Variants in CNTN5 observed in about 807,000 individuals in gnomAD.
CNTN5 encodes contactin-5.
Under a neutral mutation model 129.1 loss-of-function variants are expected in CNTN5, and 77 were observed. That is an observed-to-expected ratio of 0.60 (90% confidence interval 0.50 to 0.72). CNTN5 has a LOEUF of 0.72. Among genes scored for constraint, CNTN5 ranks in the 30% least tolerant of loss-of-function variants. The pLI is 0.00. For synonymous variants in CNTN5, 509 were observed against 465.6 expected (o/e 1.09, Z -1.20); for missense variants, 1,478 against 1,328.8 (o/e 1.11, Z -1.75).
At chr11:99,286,040 GA>G (rs1555101324) in intron 1 of CNTN5, among the ~76,000 whole-genome samples, 2,489 of 92,976 alleles carry the variant, frequency 0.027, 20 homozygotes, top group African/African-American at 0.042. Flanking sequence ...TCCATCTGGA[GA>G]AAAAAAAAAA....
chr11:100,354,155 T>C (rs1319794491), intron 24 of CNTN5, among the ~76,000 whole-genome samples: 6 of 151,602 alleles, frequency 4.0e-5, no homozygotes, highest in Admixed American at 1.3e-4. Context: ...ATTTACCATA[T>C]AGGAATGTTA....
chr11:100,197,472 G>A (rs951878885), intron 15 of CNTN5, among the ~76,000 whole-genome samples: 6 of 151,930 alleles, frequency 3.9e-5, no homozygotes, highest in African/African-American at 1.4e-4. Context: ...TGTAAGTGTT[G>A]ACCTTAAATA....
chr11:99,073,643 C>T (rs151263830), intron 1 of CNTN5, among the ~76,000 whole-genome samples: 1,629 of 151,788 alleles, frequency 0.011, 26 homozygotes, highest in South Asian at 0.072. Context: ...AGTGAAAACA[C>T]GCGGTGTTTG....
intron 2 of CNTN5, among the ~76,000 whole-genome samples, chr11:99,494,362 C>A (rs1022619329): frequency 3.3e-5 from 5 of 152,128 alleles, no homozygotes; most frequent in African/African-American, 1.2e-4. Context: ...CAGATTTAAT[C>A]CTAAAATATA....
At chr11:100,124,940 T>A (rs1051695705) in intron 13 of CNTN5, among the ~76,000 whole-genome samples, 43 of 152,218 alleles carry the variant, frequency 2.8e-4, no homozygotes, top group African/African-American at 9.9e-4. Flanking sequence ...TTAATCTGGA[T>A]GGCTTGTTGA....
At chr11:99,846,377 A>AAG (rs1273555269) in intron 6 of CNTN5, among the ~76,000 whole-genome samples, 2 of 151,120 alleles carry the variant, frequency 1.3e-5, no homozygotes, top group Non-Finnish European at 3.0e-5. Flanking sequence ...AAAAAAAAAA[A>AAG]AAAGAAGTGT....
intron 3 of CNTN5, among the ~76,000 whole-genome samples, chr11:99,709,751 G>A (rs980455797): frequency 6.6e-6 from 1 of 151,754 alleles, no homozygotes; most frequent in Non-Finnish European, 1.5e-5. Context: ...TATATAATAA[G>A]TTATTTGAGT....
intron 1 of CNTN5, among the ~76,000 whole-genome samples, chr11:99,253,225 G>A (rs1441963089): frequency 1.3e-5 from 2 of 152,008 alleles, no homozygotes; most frequent in Non-Finnish European, 2.9e-5. Context: ...CCCTGCACCA[G>A]CTCTTTGCCT....
chr11:100,270,515 T>G (rs1565386934), intron 17 of CNTN5, among the ~76,000 whole-genome samples: 2 of 152,170 alleles, frequency 1.3e-5, no homozygotes, highest in African/African-American at 4.8e-5. Context: ...TAAAAATACT[T>G]CACTAATGGT....
intron 2 of CNTN5, among the ~76,000 whole-genome samples, chr11:99,337,282 T>G (rs557020366): frequency 1.3e-5 from 2 of 152,142 alleles, no homozygotes; most frequent in Non-Finnish European, 2.9e-5. Flanking sequence ...CCAGCAGCGC[T>G]AGAGGAATTA....
intron 18 of CNTN5, among the ~76,000 whole-genome samples, chr11:100,289,988 AG>A (rs1232581282): frequency 6.6e-6 from 1 of 151,196 alleles, no homozygotes; most frequent in Non-Finnish European, 1.5e-5. Flanking sequence ...CCAAATCATG[AG>A]TGAACTCCCA....
intron 3 of CNTN5, among the ~76,000 whole-genome samples, chr11:99,684,822 A>T (rs1264430898): frequency 6.6e-6 from 1 of 151,630 alleles, no homozygotes; most frequent in African/African-American, 2.4e-5. Context: ...GGTTCTTGAT[A>T]TGAATTTATA....
At chr11:99,772,836 C>T (rs1324202871) in intron 3 of CNTN5, among the ~76,000 whole-genome samples, 1 of 152,058 alleles carries the variant, frequency 6.6e-6, no homozygotes, top group Non-Finnish European at 1.5e-5. Flanking sequence ...CACACATACA[C>T]ACACCCACAG....
intron 3 of CNTN5, among the ~76,000 whole-genome samples, chr11:99,580,819 G>T: frequency 8.6e-6 from 1 of 116,022 alleles, no homozygotes; most frequent in Non-Finnish European, 1.8e-5. Context: ...GTTTTTTTGT[G>T]TCTTTATTTC....
chr11:99,555,009 A>G (rs1040748595), intron 2 of CNTN5, among the ~76,000 whole-genome samples: 1 of 152,050 alleles, frequency 6.6e-6, no homozygotes, highest in Non-Finnish European at 1.5e-5. Context: ...TCCATTAATG[A>G]TCCCCAAATA....
At chr11:99,454,146 A>C (rs892576359) in intron 2 of CNTN5, among the ~76,000 whole-genome samples, 1 of 152,188 alleles carries the variant, frequency 6.6e-6, no homozygotes, top group African/African-American at 2.4e-5. Flanking sequence ...AGACAGCATA[A>C]TGAACAGAAA....
intron 13 of CNTN5, among the ~76,000 whole-genome samples, chr11:100,110,463 A>C (rs546670109): frequency 6.6e-6 from 1 of 152,196 alleles, no homozygotes; most frequent in African/African-American, 2.4e-5. Context: ...CAATTTTCTG[A>C]ATTTTTTAAA....
At chr11:99,494,354 G>T (rs1946147443) in intron 2 of CNTN5, among the ~76,000 whole-genome samples, 1 of 152,170 alleles carries the variant, frequency 6.6e-6, no homozygotes, top group Non-Finnish European at 1.5e-5. Context: ...ACCTAAAACA[G>T]ATTTAATCCT....
At chr11:100,093,375 C>T (rs948385614) in intron 13 of CNTN5, among the ~76,000 whole-genome samples, 6 of 152,156 alleles carry the variant, frequency 3.9e-5, no homozygotes, top group African/African-American at 1.2e-4. Flanking sequence ...ATCCTCCATC[C>T]TCAGCCTCCT....
Sources: gnomAD v4.1 joint callset for allele counts (sites outside exome capture counted in the v4.1 genomes callset) on GRCh38, gnomAD v4.1.1 for gene constraint, MANE v1.5 for transcripts, NCBI Gene and HGNC (gene_info 2026-07-23, HGNC 2026-07-21) for gene names.